The following CEP128 variants were observed in gnomAD, a reference collection of about 807,000 sequenced individuals.
CEP128 encodes centrosomal protein 128, also known as centrosomal protein 128kDa.
CEP128 carries 132 observed loss-of-function variants against 156.7 expected under a neutral mutation model. The ratio of observed to expected loss-of-function variants is 0.84; its 90% confidence interval spans 0.73 to 0.97. The LOEUF (loss-of-function observed/expected upper bound fraction) is 0.97. Ranked by LOEUF, CEP128 falls within the 50% of genes least tolerant of loss-of-function variation. CEP128 has a pLI of 0.00. For synonymous variants in CEP128, 469 were observed against 448.9 expected (o/e 1.04, Z -0.57); for missense variants, 1,252 against 1,281.9 (o/e 0.98, Z 0.36).
At chr14:80,723,729 G>A (rs1897909516) in intron 19 of CEP128, among the ~76,000 whole-genome samples, 1 of 152,148 alleles carries the variant, frequency 6.6e-6, no homozygotes, top group South Asian at 2.1e-4. Context: ...GTGCTATTAT[G>A]TTCCTGGAAG....
chr14:80,568,834 C>T (rs1341006392), intron 20 of CEP128, among the ~76,000 whole-genome samples: 2 of 152,180 alleles, frequency 1.3e-5, no homozygotes, highest in African/African-American at 4.8e-5. Context: ...AAGTTTTTAG[C>T]TGCACTTCTG....
At chr14:80,487,414 C>T (rs954454408), downstream of CEP128, among the ~76,000 whole-genome samples, 15 of 152,148 alleles carry the variant, frequency 9.9e-5, no homozygotes, top group Non-Finnish European at 2.2e-4. Context: ...TAGACTCCCA[C>T]ACAATAATAA....
intron 8 of CEP128, among the ~76,000 whole-genome samples, chr14:80,881,865 A>C (rs1183987686): frequency 1.3e-5 from 2 of 152,196 alleles, no homozygotes; most frequent in East Asian, 3.8e-4. Context: ...AATATACCTC[A>C]ACATAAGAAA....
chr14:80,677,164 T>A (rs1048095756), intron 19 of CEP128, among the ~76,000 whole-genome samples: 1 of 152,174 alleles, frequency 6.6e-6, no homozygotes, highest in African/African-American at 2.4e-5. Context: ...ACATGCACGT[T>A]TCCATCTGCT....
intron 20 of CEP128, among the ~76,000 whole-genome samples, chr14:80,579,645 T>G (rs978204740): frequency 6.2e-4 from 94 of 152,298 alleles, no homozygotes; most frequent in African/African-American, 2.0e-3. Flanking sequence ...TCCAGGCCCA[T>G]GAAGAACTCT....
At chr14:80,645,497 T>C (rs1186442836) in intron 19 of CEP128, among the ~76,000 whole-genome samples, 1 of 152,068 alleles carries the variant, frequency 6.6e-6, no homozygotes, top group Non-Finnish European at 1.5e-5. Flanking sequence ...TATGACAATA[T>C]TATATAAGAT....
chr14:80,786,842 C>CA (rs1214929851), intron 14 of CEP128, among the ~76,000 whole-genome samples: 1 of 152,110 alleles, frequency 6.6e-6, no homozygotes, highest in African/African-American at 2.4e-5. Flanking sequence ...GGCCCAGTGG[C>CA]ACACCCTATA....
intron 23 of CEP128, chr14:80,526,621 G>A (rs929735295): frequency 8.3e-5 from 24 of 289,120 alleles, no homozygotes; most frequent in African/African-American, 2.0e-4. Context: ...ACCAGTTCCC[G>A]TAAACAAGTA....
At chr14:80,906,855 A>G (rs935069294) in intron 4 of CEP128, among the ~76,000 whole-genome samples, 9 of 152,168 alleles carry the variant, frequency 5.9e-5, no homozygotes, top group African/African-American at 1.9e-4. Context: ...AAATCCATAC[A>G]CCCTGAATTG....
intron 13 of CEP128, among the ~76,000 whole-genome samples, chr14:80,796,884 C>T (rs1024691258): frequency 1.3e-5 from 2 of 152,098 alleles, no homozygotes; most frequent in African/African-American, 4.8e-5. Context: ...TATCTGAGGA[C>T]CAACTCCTAA....
rs1018564242 is a variant in CEP128, at chr14:80,800,542, TATG to T, written c.1210-7435_1210-7433del. Among the ~76,000 whole-genome samples, 39 of 152,182 alleles carry T rather than the reference TATG, an allele frequency of 2.6e-4. 1 individual carries two copies. Among genetic ancestry groups the T allele is most frequent in the Admixed American group, 2.5e-3 (38 of 15,284 alleles). ...CAATCCAGTATTGATTCCACTTCAC[TATG>T]ATAATGATTTGGATACTATTCAAAT... is the stretch of plus-strand genomic sequence containing the variant. On this transcript the variant is annotated intron_variant, in intron 13 of 24. Transcript: ENST00000555265.
At chr14:80,854,312 G>C (rs1159505491) in intron 9 of CEP128, among the ~76,000 whole-genome samples, 1 of 151,964 alleles carries the variant, frequency 6.6e-6, no homozygotes, top group Non-Finnish European at 1.5e-5. Context: ...GATTACATTG[G>C]AACCATGTCA....
At chr14:80,829,838 G>A (rs1418388488) in intron 13 of CEP128, among the ~76,000 whole-genome samples, 5 of 152,132 alleles carry the variant, frequency 3.3e-5, no homozygotes, top group African/African-American at 1.2e-4. Flanking sequence ...GGAAAGCCAG[G>A]AATCTTGAAT....
At chr14:80,827,752 G>C (rs148083302) in intron 13 of CEP128, among the ~76,000 whole-genome samples, 207 of 152,280 alleles carry the variant, frequency 1.4e-3, no homozygotes, top group African/African-American at 4.8e-3. Flanking sequence ...TAATTCTAAA[G>C]CCAGAAGATT....
At chr14:80,540,849 G>A in intron 21 of CEP128, among the ~76,000 whole-genome samples, 1 of 152,032 alleles carries the variant, frequency 6.6e-6, no homozygotes, top group Non-Finnish European at 1.5e-5. Context: ...AAATTTACAG[G>A]GAGAATAGGC....
intron 23 of CEP128, among the ~76,000 whole-genome samples, chr14:80,517,314 G>A (rs1296586273): frequency 6.6e-6 from 1 of 151,974 alleles, no homozygotes; most frequent in Non-Finnish European, 1.5e-5. Flanking sequence ...TGGAAACATA[G>A]ACTATTGATT....
intron 1 of CEP128, 85 bp from the exon 2 acceptor site, chr14:80,939,625 T>A (rs1442993798): frequency 1.3e-5 from 2 of 152,212 alleles, no homozygotes; most frequent in Non-Finnish European, 2.9e-5. Flanking sequence ...TAAGTCCCTA[T>A]GTACAGACTA....
At chr14:80,765,796 C>G (rs188167388) in intron 16 of CEP128, among the ~76,000 whole-genome samples, 50 of 152,280 alleles carry the variant, frequency 3.3e-4, no homozygotes, top group Admixed American at 2.0e-4. Context: ...AAAGCGCAGA[C>G]AGACTACATA....
At chr14:80,907,422 G>T (rs1883950217) in intron 4 of CEP128, among the ~76,000 whole-genome samples, 1 of 152,068 alleles carries the variant, frequency 6.6e-6, no homozygotes, top group Admixed American at 6.5e-5. Flanking sequence ...CAGTTTGGGA[G>T]GCTGAGGCGG....
Sources: gnomAD v4.1 joint callset for allele counts (sites outside exome capture counted in the v4.1 genomes callset) on GRCh38, gnomAD v4.1.1 for gene constraint, MANE v1.5 for transcripts, NCBI Gene and HGNC (gene_info 2026-07-23, HGNC 2026-07-21) for gene names.